ZBBX: variants seen among roughly 807,000 people sequenced by gnomAD.
ZBBX encodes the protein zinc finger B-box domain-containing protein 1.
Under a neutral mutation model 108.5 loss-of-function variants are expected in ZBBX, and 101 were observed. The ratio of observed to expected loss-of-function variants is 0.93; its 90% CI spans 0.79 to 1.10. The LOEUF (loss-of-function observed/expected upper bound fraction) is 1.10. Ranked by LOEUF, ZBBX falls within the 50% of genes least tolerant of loss-of-function variation. ZBBX has a pLI of 0.00. For missense variants in ZBBX, 1,009 were observed against 941.4 expected (o/e 1.07, Z -0.94); for synonymous variants, 356 against 323.4 (o/e 1.10, Z -1.08).
At chr3:167,359,808 A>G (rs1307023929) in intron 8 of ZBBX, 62 bp downstream of exon 8, 11 of 815,486 alleles carry the variant, frequency 1.3e-5, no homozygotes, top group African/African-American at 1.8e-5. Context: ...TGAAAGTTCT[A>G]TTCTAACTGC....
intron 20 of ZBBX, among the ~76,000 whole-genome samples, chr3:167,262,206 C>T (rs1317687382): frequency 2.0e-5 from 3 of 151,782 alleles, no homozygotes; most frequent in African/African-American, 7.3e-5. Flanking sequence ...TTTTGTGGGT[C>T]GGGGGGGGCG....
the ZBBX span, among the ~76,000 whole-genome samples, chr3:167,224,503 A>G: frequency 2.0e-4 from 30 of 152,088 alleles, no homozygotes; most frequent in East Asian, 5.2e-3. Context: ...GAGGTAATAA[A>G]CAGGTTAATT....
At chr3:167,273,016 T>C (rs1434211854) in intron 20 of ZBBX, among the ~76,000 whole-genome samples, 3 of 152,244 alleles carry the variant, frequency 2.0e-5, no homozygotes, top group East Asian at 1.9e-4. Flanking sequence ...AAGTCGCTTC[T>C]ATAACATAGG....
In ZBBX at chr3:167,331,748, A is replaced by G. The variant is rs1305214483; in HGVS notation, c.687+2079T>C. On this transcript the variant is annotated intron_variant, in intron 10 of 21. Coordinates refer to ENST00000675490, the MANE Select transcript of ZBBX (RefSeq NM_001199201.2). ...AATGCTGTACATTCATTACCCTGTA[A>G]GCACATGATATCCCTGTAAGATGAT... 9.9e-6 allele frequency: 3 copies of G among 302,576 alleles called. No homozygotes were observed. The East Asian group carries it at 5.1e-4, about 52-fold the overall frequency. 18.7% of individuals were successfully genotyped at this position (302,576 alleles called of 1,614,324 possible).
chr3:167,333,908 T>C lies in ZBBX; in HGVS notation c.606A>G (p.Lys202=), dbSNP rs1391723265. ...FIKDVNPDEP[K]EENNSTKETS... is the part of the protein sequence containing the mutation. ...TTTCCTTTGTAGAATTATTCTCCTC[T>C]TTGGGTTCATCTGGATTAACATCCT... Residue 202 remains lysine, a synonymous_variant, in exon 10 of 22, where the codon AAA becomes AAG. Transcript: ENST00000675490. 16 of 1,612,668 alleles carry C rather than the reference T, an allele frequency of 9.9e-6. No homozygotes were observed. The highest frequency in any genetic ancestry group is 1.3e-5 in the African/African-American group (1 of 74,884).
At chr3:167,219,652 T>G in the ZBBX span, among the ~76,000 whole-genome samples, 1 of 151,886 alleles carries the variant, frequency 6.6e-6, no homozygotes, top group South Asian at 2.1e-4. Context: ...TTTATAGCTA[T>G]AAGTGTCTAC....
rs1483857646 is a variant in ZBBX, at chr3:167,350,419, C to A, written c.528+1G>T. On this transcript the variant is annotated splice_donor_variant, in intron 9 of 21. Transcript: ENST00000675490. LOFTEE classifies it high-confidence loss of function. ...AAGTAAATCATTTTAGAAAGCCATA[C>A]CTGCAAAAGAGTTGTTCTGTGGAGC... 3.2e-6 allele frequency: 5 copies of A among 1,584,710 alleles called. No individual in the cohort carries two copies. The highest frequency in any genetic ancestry group is 1.7e-4 in the Middle Eastern group (1 of 5,928).
chr3:167,283,472 A>T (rs1729157681), intron 19 of ZBBX, among the ~76,000 whole-genome samples: 1 of 152,196 alleles, frequency 6.6e-6, no homozygotes, highest in Non-Finnish European at 1.5e-5. Context: ...GGCTTTGTAA[A>T]ACTATTAGGT....
At chr3:167,302,428 G>C (rs1190237083) in intron 17 of ZBBX, among the ~76,000 whole-genome samples, 1 of 151,878 alleles carries the variant, frequency 6.6e-6, no homozygotes, top group Non-Finnish European at 1.5e-5. Flanking sequence ...CCTTTACCCT[G>C]ATAATGTTTT....
At chr3:167,219,932 CA>C in the ZBBX span, among the ~76,000 whole-genome samples, 2 of 151,832 alleles carry the variant, frequency 1.3e-5, no homozygotes, top group African/African-American at 4.8e-5. Flanking sequence ...GCCGATACTG[CA>C]GAAATTCCAA....
chr3:167,372,917 A>G lies in ZBBX; in HGVS notation c.-16T>C. On this transcript the variant is annotated 5_prime_UTR_variant, in exon 4 of 22. Coordinates refer to ENST00000675490, the MANE Select transcript of ZBBX (RefSeq NM_001199201.2). ...TTCTGTTCATGATTACCACCTTAATATTGTCTAAAAGTTATTCTGATTTGT... is the reference window on the plus strand; with the variant it reads ...TTCTGTTCATGATTACCACCTTAATGTTGTCTAAAAGTTATTCTGATTTGT... 1 of 1,575,222 alleles carries G rather than the reference A, an allele frequency of 6.3e-7. No homozygotes were observed. The highest frequency in any genetic ancestry group is 8.6e-7 in the Non-Finnish European group (1 of 1,162,896).
At chr3:167,265,930 G>T (rs1239901610) in intron 20 of ZBBX, among the ~76,000 whole-genome samples, 1 of 152,332 alleles carries the variant, frequency 6.6e-6, no homozygotes, top group African/African-American at 2.4e-5. Context: ...AGAGAGCACA[G>T]ATTCTCTCTC....
intron 15 of ZBBX, 73 bp from the exon 16 acceptor site, chr3:167,314,189 A>C: frequency 3.8e-6 from 5 of 1,312,400 alleles, no homozygotes; most frequent in Non-Finnish European, 5.1e-6. Flanking sequence ...TAAAAGTCCC[A>C]AGTCATTAAA....
At chr3:167,256,222 G>T (rs999331503) in intron 20 of ZBBX, among the ~76,000 whole-genome samples, 5 of 151,986 alleles carry the variant, frequency 3.3e-5, no homozygotes, top group Non-Finnish European at 4.4e-5. Context: ...TGAATACTTA[G>T]GTTACATCCA....
intron 19 of ZBBX, among the ~76,000 whole-genome samples, chr3:167,283,674 T>C (rs1026259880): frequency 3.9e-5 from 6 of 151,916 alleles, no homozygotes; most frequent in African/African-American, 1.5e-4. Flanking sequence ...GGAGAAGGAG[T>C]CTTGCTCTGT....
chr3:167,384,267 AGGCAGAG>A (rs1490229140), upstream of ZBBX, among the ~76,000 whole-genome samples: 4 of 152,228 alleles, frequency 2.6e-5, no homozygotes, highest in East Asian at 5.8e-4. Flanking sequence ...GAATAAATCA[AGGCAGAG>A]GGCAGAGGCC....
intron 9 of ZBBX, among the ~76,000 whole-genome samples, chr3:167,347,462 A>G (rs79289472): frequency 0.014 from 2,094 of 152,158 alleles, 26 homozygotes; most frequent in South Asian, 0.026. Context: ...ACATTACAGT[A>G]AATGAAATAA....
chr3:167,321,941 A>C (rs1736515842), intron 12 of ZBBX, among the ~76,000 whole-genome samples, 176 bp downstream of exon 12: 1 of 152,040 alleles, frequency 6.6e-6, no homozygotes, highest in African/African-American at 2.4e-5. Flanking sequence ...CATATACATA[A>C]ATAGAATTAA....
At chr3:167,185,822 C>A in the ZBBX span, among the ~76,000 whole-genome samples, 1 of 152,032 alleles carries the variant, frequency 6.6e-6, no homozygotes, top group Non-Finnish European at 1.5e-5. Context: ...TCATAATGAC[C>A]ATTTTCCATA....
Sources: gnomAD v4.1 joint callset for allele counts (sites outside exome capture counted in the v4.1 genomes callset) on GRCh38, gnomAD v4.1.1 for gene constraint, MANE v1.5 for transcripts, NCBI Gene and HGNC (gene_info 2026-07-23, HGNC 2026-07-21) for gene names.